Variants in ATP6V0A2 observed in about 807,000 individuals in gnomAD.
The protein encoded by ATP6V0A2 is V-type proton ATPase 116 kDa subunit a 2.
Under a neutral mutation model 104.4 loss-of-function variants are expected in ATP6V0A2, and 58 were observed. That is an observed-to-expected ratio of 0.56 (90% CI 0.45 to 0.69). The LOEUF is 0.69. ATP6V0A2 is among the 30% of genes least tolerant of loss of function. ATP6V0A2 has a pLI of 0.00. For synonymous variants in ATP6V0A2, 376 were observed against 397.9 expected, an observed-to-expected ratio of 0.95 and a Z score of 0.65; for missense variants, 938 against 1,062.9, an observed-to-expected ratio of 0.88 and a Z score of 1.63.
chr12:123,749,438 T>A (rs1251978631), intron 15 of ATP6V0A2, among the ~76,000 whole-genome samples: 1 of 152,208 alleles, frequency 6.6e-6, no homozygotes, highest in African/African-American at 2.4e-5. Flanking sequence ...TGCGTTTGTG[T>A]GCTGTCACAG....
At chr12:123,733,324 A>G (rs1956521003) in intron 6 of ATP6V0A2, 1 of 152,370 alleles carries the variant, frequency 6.6e-6, no homozygotes, top group African/African-American at 2.4e-5. Context: ...AAAAAAAAAA[A>G]AAAAAAAAGT....
intron 17 of ATP6V0A2, among the ~76,000 whole-genome samples, chr12:123,753,164 TACCAG>T (rs1956732665): frequency 3.5e-5 from 1 of 28,296 alleles, no homozygotes; most frequent in Admixed American, 4.8e-4. Context: ...CAGTCCCCTT[TACCAG>T]TGACTGCTGC....
In ATP6V0A2 at chr12:123,712,498, T is replaced by A; in HGVS notation, c.-68T>A. On this transcript the variant is annotated 5_prime_UTR_variant, in exon 1 of 20. Transcript: ENST00000330342. Reference sequence around the variant, plus strand: ...CGAGGCCCGGGCCGCACCGGCTGAGTGTGCGGGCCCGCGCGGCTCGGAGCC... The same window carrying A: ...CGAGGCCCGGGCCGCACCGGCTGAGAGTGCGGGCCCGCGCGGCTCGGAGCC... The A allele has an allele frequency of 9.1e-7, 1 of 1,098,266 alleles. No individual in the cohort carries two copies. The highest frequency in any genetic ancestry group is 1.3e-6 in the Non-Finnish European group (1 of 797,722). 68.0% of individuals were successfully genotyped at this position (1,098,266 alleles called of 1,614,324 possible). A position where few individuals can be genotyped will look rare whatever the true frequency, so the allele number is the denominator to read the frequency against.
Position 123,759,946 on chromosome 12 carries a change from T to A in ATP6V0A2, c.*1914T>A, listed in dbSNP as rs1280941120. 2.0e-5 allele frequency: 3 copies of A among 152,258 alleles called. No homozygotes were observed. Among genetic ancestry groups the A allele is most frequent in the Admixed American group, 6.5e-5 (1 of 15,280 alleles). The allele number at this position is 152,258 out of a possible 1,614,324, so 9.4% of individuals were successfully genotyped here. A position where few individuals can be genotyped will look rare whatever the true frequency, so the allele number is the denominator to read the frequency against. On this transcript the variant is annotated 3_prime_UTR_variant, in exon 20 of 20. Transcript: ENST00000330342. The stretch of plus-strand genomic sequence containing the variant: ...GTTATGCTTCCCTAGAAAGGTGTCA[T>A]GTCGGGCACTTGTGTTGGGTGACTA...
intron 17 of ATP6V0A2, among the ~76,000 whole-genome samples, chr12:123,753,649 A>G (rs746145240): frequency 1.3e-5 from 2 of 152,256 alleles, no homozygotes; most frequent in Non-Finnish European, 2.9e-5. Context: ...TTTTGGGAAC[A>G]TAATTCAGAG....
At chr12:123,732,212 C>T (rs1956507766) in intron 6 of ATP6V0A2, 1 of 152,636 alleles carries the variant, frequency 6.6e-6, no homozygotes, top group African/African-American at 2.4e-5. Flanking sequence ...CACTTAAATC[C>T]CTCAGCAGAT....
Position 123,712,581 on chromosome 12 carries a change from C to G in ATP6V0A2, c.16C>G (p.Arg6Gly), listed in dbSNP as rs1375352095. The G allele has an allele frequency of 5.0e-6, 8 of 1,596,508 alleles. No homozygotes were observed. Among genetic ancestry groups the G allele is most frequent in the African/African-American group, 1.3e-5 (1 of 74,678 alleles). The change falls in exon 1 of 20, where the codon CGG (arginine) becomes GGG (glycine). Residue 6 changes from arginine (R) to glycine (G), a missense_variant. By Grantham distance (125) the Arg-to-Gly change is moderately radical (BLOSUM62 -2). Transcript: ENST00000330342. Reference sequence around the variant, plus strand: ...TCGGCCCGCCATGGGGTCCCTGTTCCGGAGCGAGACCATGTGCCTGGCGCA... The same window carrying G: ...TCGGCCCGCCATGGGGTCCCTGTTCGGGAGCGAGACCATGTGCCTGGCGCA... MGSLFRSETMCLAQLF... is the reference protein window; with the variant it reads MGSLFGSETMCLAQLF...
At chr12:123,723,548 C>G (rs1191185409) in intron 3 of ATP6V0A2, 1 of 150,742 alleles carries the variant, frequency 6.6e-6, no homozygotes, top group Non-Finnish European at 1.5e-5. Context: ...GCAGCCTGTG[C>G]CTCCCGGGTT....
Position 123,724,718 on chromosome 12 carries a change from A to G in ATP6V0A2, c.359A>G (p.Lys120Arg). ...ACTAAGAACAAGGAGAAACTGAGGAAAAACTTGCTGGAACTGATAGAGTAC... is the reference window on the plus strand; with the variant it reads ...ACTAAGAACAAGGAGAAACTGAGGAGAAACTTGCTGGAACTGATAGAGTAC... ...EVTKNKEKLR[K>R]NLLELIEYTH... is the part of the protein sequence containing the mutation. The change falls in exon 4 of 20, where the codon AAA becomes AGA. Residue 120 changes from lysine (K) to arginine (R), a missense_variant. Lys to Arg is a conservative substitution (Grantham distance 26). Transcript: ENST00000330342. The G allele has an allele frequency of 6.2e-7, 1 of 1,613,862 alleles. No homozygotes were observed. The highest frequency in any genetic ancestry group is 8.5e-7 in the Non-Finnish European group (1 of 1,179,888).
In ATP6V0A2 at chr12:123,727,778, C is replaced by G. The variant is rs1443471063; in HGVS notation, c.522-5C>G. The G allele has an allele frequency of 1.2e-6, 2 of 1,613,956 alleles. No individual in the cohort carries two copies. Among genetic ancestry groups the G allele is most frequent in the African/African-American group, 1.3e-5 (1 of 74,912 alleles). ...TGACTACAGGTTGACTTTACTGTCT[C>G]ACAGATTTGTGTCTGGCCTAATTAA... On this transcript the variant is annotated splice_polypyrimidine_tract_variant and splice_region_variant and intron_variant, in intron 5 of 19. Coordinates refer to ENST00000330342, the MANE Select transcript of ATP6V0A2 (RefSeq NM_012463.4).
intron 13 of ATP6V0A2, among the ~76,000 whole-genome samples, chr12:123,745,701 C>T (rs2135911446): frequency 8.6e-6 from 1 of 115,838 alleles, no homozygotes; most frequent in African/African-American, 3.5e-5. Flanking sequence ...GCGAGAGACT[C>T]TGTCTCAAAA....
chr12:123,713,436 T>C (rs1395585987), intron 1 of ATP6V0A2, among the ~76,000 whole-genome samples: 2 of 152,190 alleles, frequency 1.3e-5, no homozygotes, highest in African/African-American at 4.8e-5. Flanking sequence ...TGTTTATTGT[T>C]TGTCTCCACC....
intron 4 of ATP6V0A2, 111 bp from the exon 5 acceptor site, chr12:123,726,079 TTGCACCC>T: frequency 1.3e-6 from 1 of 752,724 alleles, no homozygotes; most frequent in Non-Finnish European, 2.4e-6. Flanking sequence ...TCAGAAGTCT[TTGCACCC>T]AGATCTAAGT....
intron 15 of ATP6V0A2, among the ~76,000 whole-genome samples, chr12:123,749,747 T>C (rs1956697014): frequency 6.6e-6 from 1 of 152,220 alleles, no homozygotes; most frequent in Non-Finnish European, 1.5e-5. Flanking sequence ...GGTCCAGACA[T>C]GGCTCACCAC....
intron 1 of ATP6V0A2, among the ~76,000 whole-genome samples, chr12:123,715,198 A>G (rs1956328541): frequency 6.6e-6 from 1 of 152,248 alleles, no homozygotes; most frequent in South Asian, 2.1e-4. Context: ...ATTTGTAGAA[A>G]CATCATGCCC....
At chr12:123,753,082 T>C (rs1466159286) in intron 17 of ATP6V0A2, among the ~76,000 whole-genome samples, 3 of 151,914 alleles carry the variant, frequency 2.0e-5, no homozygotes, top group East Asian at 3.9e-4. Context: ...CTCAGTCCCC[T>C]TCACCAGTGA....
Position 123,747,697 on chromosome 12 carries a change from G to A in ATP6V0A2, c.1696G>A (p.Gly566Arg). The change falls in exon 14 of 20, where the codon GGA becomes AGA. Residue 566 changes from glycine (G) to arginine (R), a missense_variant. Coordinates refer to ENST00000330342, the MANE Select transcript of ATP6V0A2 (RefSeq NM_012463.4). The part of the protein sequence containing the change: ...VILGIIHMTF[G>R]VILGIFNHLH... ...TTTAGGAATCATTCATATGACTTTT[G>A]GAGTCATTCTGGGAATATTTAACCA... 1 of 1,607,178 alleles carries A rather than the reference G, an allele frequency of 6.2e-7. No individual in the cohort carries two copies. The highest frequency in any genetic ancestry group is 2.2e-5 in the East Asian group (1 of 44,830).
intron 1 of ATP6V0A2, among the ~76,000 whole-genome samples, chr12:123,715,006 C>T (rs1956326706): frequency 6.6e-6 from 1 of 152,126 alleles, no homozygotes; most frequent in African/African-American, 2.4e-5. Flanking sequence ...CACTTGAACC[C>T]AGGAGGCAGA....
At chr12:123,754,389 C>G (rs1417958350) in intron 17 of ATP6V0A2, 31 bp from the exon 18 acceptor site, 8 of 1,491,378 alleles carry the variant, frequency 5.4e-6, no homozygotes, top group Non-Finnish European at 7.5e-6. Flanking sequence ...AACATCATGA[C>G]TCTTAACATA....
Sources: allele counts gnomAD v4.1 joint callset (sites outside exome capture counted in the v4.1 genomes callset), GRCh38; gene constraint gnomAD v4.1.1; transcripts MANE v1.5; gene names NCBI Gene and HGNC (gene_info 2026-07-23, HGNC 2026-07-21).